CCDC28B: variants seen among roughly 807,000 people sequenced by gnomAD.
CCDC28B encodes coiled-coil domain-containing protein 28B.
CCDC28B carries 17 observed loss-of-function variants against 18.7 expected under a neutral mutation model. The observed-to-expected ratio is 0.91, with a 90% CI of 0.62 to 1.36. The LOEUF is 1.36. Among genes scored for constraint, CCDC28B ranks in the 40% most tolerant of loss-of-function variants. CCDC28B has a pLI of 0.00. For synonymous variants in CCDC28B, 116 were observed against 105.1 expected, an observed-to-expected ratio of 1.10 and a Z score of -0.64; for missense variants, 213 against 251.7, an observed-to-expected ratio of 0.85 and a Z score of 1.04.
At chr1:32,198,829 G>A (rs1037409293), upstream of CCDC28B, among the ~76,000 whole-genome samples, 2 of 152,148 alleles carry the variant, frequency 1.3e-5, no homozygotes, top group South Asian at 2.1e-4. Flanking sequence ...CAGAGGGCAG[G>A]GGGGGCAACT....
chr1:32,202,135 C>T (rs1328804925), intron 2 of CCDC28B, 36 bp downstream of exon 2: 7 of 1,611,226 alleles, frequency 4.3e-6, no homozygotes, highest in Non-Finnish European at 5.1e-6. Context: ...GGAGGGACCC[C>T]AACTCTGGGT....
At position 32,201,983 on chromosome 1, in the gene CCDC28B, G is replaced by A. The variant is rs1643156178; in HGVS notation, c.48G>A (p.Gln16=). ...GGAGTCCCAAGCCCTGCCTGGCCCA[G>A]CCAGCCCAGGCCCCAGGCACACTAC... ...KKRSPKPCLA[Q]PAQAPGTLRR... Residue 16 remains glutamine, a synonymous_variant, in exon 2 of 6, where the codon CAG becomes CAA. Transcript: ENST00000373602. The A allele has an allele frequency of 6.2e-7, 1 of 1,613,378 alleles. No homozygotes were observed. Among genetic ancestry groups the A allele is most frequent in the East Asian group, 2.2e-5 (1 of 44,862 alleles).
intron 3 of CCDC28B, 58 bp downstream of exon 3, chr1:32,204,103 A>T: frequency 7.5e-6 from 12 of 1,594,254 alleles, no homozygotes; most frequent in Non-Finnish European, 1.0e-5. Context: ...GGCCCAGTCC[A>T]TGGGGCATGG....
At chr1:32,204,947 C>T (rs1269067712) in intron 5 of CCDC28B, 2 of 1,394,092 alleles carry the variant, frequency 1.4e-6, no homozygotes, top group African/African-American at 1.5e-5. Flanking sequence ...TACCACCTCA[C>T]CTGGTCCTCA....
chr1:32,199,280 G>T (rs1334238569), upstream of CCDC28B, among the ~76,000 whole-genome samples: 1 of 152,194 alleles, frequency 6.6e-6, no homozygotes, highest in Non-Finnish European at 1.5e-5. Context: ...GACAGTCCCA[G>T]CAGAGCCTCT....
chr1:32,196,545 C>G (rs189644852), upstream of CCDC28B: 6 of 152,224 alleles, frequency 3.9e-5, no homozygotes, highest in Admixed American at 3.3e-4. Flanking sequence ...GTTCTACCCC[C>G]ACTCCAGTAC....
upstream of CCDC28B, among the ~76,000 whole-genome samples, chr1:32,199,478 T>A (rs1643101100): frequency 6.6e-6 from 1 of 152,114 alleles, no homozygotes; most frequent in Non-Finnish European, 1.5e-5. Flanking sequence ...ACAGGGGTGC[T>A]CCCTCTGTCA....
chr1:32,198,448 GATGCTGGCAT>G (rs1488251622), upstream of CCDC28B, among the ~76,000 whole-genome samples: 1 of 152,194 alleles, frequency 6.6e-6, no homozygotes, highest in Non-Finnish European at 1.5e-5. Flanking sequence ...ACAGCCTCAG[GATGCTGGCAT>G]ATTCACTTGA....
At chr1:32,201,799 T>A in intron 1 of CCDC28B, 114 bp from the exon 2 acceptor site, 1 of 830,502 alleles carries the variant, frequency 1.2e-6, no homozygotes. Flanking sequence ...ACCGTATAGA[T>A]GAGGTGACAA....
In CCDC28B at chr1:32,205,034, TGA is replaced by T; in HGVS notation, c.549-154_549-153del. 6.0e-6 allele frequency: 7 copies of T among 1,165,492 alleles called. No individual in the cohort carries two copies. Among genetic ancestry groups the T allele is most frequent in the Non-Finnish European group, 8.4e-6 (7 of 837,360 alleles). The allele number at this position is 1,165,492 out of a possible 1,614,324, so 72.2% of individuals were successfully genotyped here. Reference sequence around the variant, plus strand: ...ACGATCTGGATGAAGAGAGAGGGGGTGAGAGAGGGCAGGCGGGGACTGCAACC... The same window carrying T: ...ACGATCTGGATGAAGAGAGAGGGGGTGAGAGGGCAGGCGGGGACTGCAACC... On this transcript the variant is annotated intron_variant, in intron 5 of 5. Coordinates refer to ENST00000373602, the MANE Select transcript of CCDC28B (RefSeq NM_024296.5). The surrounding 1 kb of genome is among the most constrained non-coding windows in gnomAD (Gnocchi z 5.6).
At chr1:32,199,207 CAG>C (rs1320019681), upstream of CCDC28B, among the ~76,000 whole-genome samples, 3 of 152,236 alleles carry the variant, frequency 2.0e-5, no homozygotes, top group Non-Finnish European at 4.4e-5. Flanking sequence ...CAGGAAATGG[CAG>C]AGACAACCCA....
chr1:32,200,327 CT>C (rs1643121319), upstream of CCDC28B: 1 of 152,434 alleles, frequency 6.6e-6, no homozygotes, highest in African/African-American at 2.4e-5. Flanking sequence ...TGCTTACATT[CT>C]CTCTCTCTCA....
chr1:32,204,755 T>C lies in CCDC28B; in HGVS notation c.548+135T>C, dbSNP rs1483012513. Reference sequence around the variant, plus strand: ...AGTCCTGTCAGATTTAGCCACAGACTGCCCAAACCCAGGTACAGGAATTTA... The same window carrying C: ...AGTCCTGTCAGATTTAGCCACAGACCGCCCAAACCCAGGTACAGGAATTTA... On this transcript the variant is annotated intron_variant, in intron 5 of 5. Coordinates refer to ENST00000373602, the MANE Select transcript of CCDC28B (RefSeq NM_024296.5). The C allele has an allele frequency of 2.5e-6, 4 of 1,613,510 alleles. No individual in the cohort carries two copies. The South Asian group carries it at 4.4e-5, about 18-fold the overall frequency.
chr1:32,201,890 T>C (rs1394702651), intron 1 of CCDC28B, 23 bp from the exon 2 acceptor site: 2 of 1,535,016 alleles, frequency 1.3e-6, no homozygotes, highest in African/African-American at 2.8e-5. Context: ...CTGGCTATCT[T>C]TGTGGGGTTG....
chr1:32,203,803 G>A (rs1569670040), intron 2 of CCDC28B, 76 bp from the exon 3 acceptor site: 2 of 1,205,204 alleles, frequency 1.7e-6, no homozygotes, highest in East Asian at 2.6e-5. Flanking sequence ...CTGGTGCATA[G>A]GCAGATGGCA....
chr1:32,201,595 T>A (rs1475755820), intron 1 of CCDC28B: 1 of 215,394 alleles, frequency 4.6e-6, no homozygotes, highest in Admixed American at 5.6e-5. Flanking sequence ...CCCACTACAT[T>A]TCCTCTGCCA....
In CCDC28B at chr1:32,203,991, G is replaced by A. The variant is rs749470747; in HGVS notation, c.277G>A (p.Gly93Arg). 3.2e-6 allele frequency: 5 copies of A among 1,576,754 alleles called. No homozygotes were observed. The highest frequency in any genetic ancestry group is 2.7e-5 in the African/African-American group (2 of 73,670). Residue 93 changes from glycine (G) to arginine (R), a missense_variant, in exon 3 of 6, where the codon GGG becomes AGG. Physicochemically the swap from Gly to Arg is moderately radical, Grantham distance 125. Transcript: ENST00000373602. ...GGTGACTGATGTCTATGAGATGGAG[G>A]GGGGACTCCTGAACCTGCTCAATGA... The part of the protein sequence containing the change: ...TEVTDVYEME[G>R]GLLNLLNDFH...
chr1:32,205,342 A>AT lies in CCDC28B; in HGVS notation c.*95dup. ...GGTGTTCTGCGGCCCCCCAGGTGCT[A>AT]TGGGGGAGGGGGGCGTTGAATGGAA... On this transcript the variant is annotated 3_prime_UTR_variant, in exon 6 of 6. Transcript: ENST00000373602. This position sits in a 1 kb window ranked among gnomAD's most constrained non-coding sequence, Gnocchi z 5.6. 8.4e-7 allele frequency: 1 copy of AT among 1,187,778 alleles called. No individual in the cohort carries two copies. The highest frequency in any genetic ancestry group is 1.5e-5 in the South Asian group (1 of 67,290). 73.6% of individuals were successfully genotyped at this position (1,187,778 alleles called of 1,614,324 possible).
rs1455033454 is a variant in CCDC28B at position 32,205,345 on chromosome 1, G to T, written c.*97G>T. The T allele has an allele frequency of 8.0e-7, 1 of 1,249,266 alleles. No individual in the cohort carries two copies. Among genetic ancestry groups the T allele is most frequent in the African/African-American group, 1.5e-5 (1 of 65,784 alleles). The allele number at this position is 1,249,266 out of a possible 1,614,324, so 77.4% of individuals were successfully genotyped here. On this transcript the variant is annotated 3_prime_UTR_variant, in exon 6 of 6. Coordinates refer to ENST00000373602, the MANE Select transcript of CCDC28B (RefSeq NM_024296.5). This position sits in a 1 kb window ranked among gnomAD's most constrained non-coding sequence, Gnocchi z 5.6. ...GTTCTGCGGCCCCCCAGGTGCTATG[G>T]GGGAGGGGGGCGTTGAATGGAATTA...
Sources: gnomAD v4.1 joint callset for allele counts (sites outside exome capture counted in the v4.1 genomes callset) on GRCh38, gnomAD v4.1.1 for gene constraint, Gnocchi (gnomAD v3.1) non-coding constraint, MANE v1.5 for transcripts, NCBI Gene and HGNC (gene_info 2026-07-23, HGNC 2026-07-21) for gene names.